Variants in CTNNA1 observed in about 807,000 individuals in gnomAD.
The protein encoded by CTNNA1 is catenin alpha-1.
CTNNA1 carries 37 observed loss-of-function variants against 98.4 expected under a neutral mutation model. The ratio of observed to expected loss-of-function variants is 0.38; its 90% CI spans 0.29 to 0.49. The LOEUF is 0.49. CTNNA1 is among the 20% of genes least tolerant of loss of function. The pLI, the probability that CTNNA1 is intolerant of heterozygous loss-of-function variation, is 0.95. For synonymous variants in CTNNA1, 404 were observed against 413.2 expected, an observed-to-expected ratio of 0.98 and a Z score of 0.27; for missense variants, 761 against 1,147.2, an observed-to-expected ratio of 0.66 and a Z score of 4.86.
At position 138,820,105 on chromosome 5, in the gene CTNNA1, G is replaced by T. The variant is rs544244436; in HGVS notation, c.589-4425G>T. 8.7e-5 allele frequency among the ~76,000 whole-genome samples: 13 copies of T among 150,246 alleles called. No individual in the cohort carries two copies. The South Asian group carries it at 2.8e-3, about 32-fold the overall frequency. On this transcript the variant is annotated intron_variant, in intron 5 of 17. Coordinates refer to ENST00000302763, the MANE Select transcript of CTNNA1 (RefSeq NM_001903.5). The stretch of plus-strand genomic sequence containing the variant: ...CCATGAGCCAATTAAACCTGTAAAG[G>T]TAGTCCTTTATAGCAGTGCAAGTAT...
At chr5:138,881,150 T>C in intron 7 of CTNNA1, 1 of 455,524 alleles carries the variant, frequency 2.2e-6, no homozygotes, top group South Asian at 1.5e-5. Context: ...AAGACTGTCC[T>C]CCTTGAGAGC....
At chr5:138,829,935 G>A (rs572006088) in intron 7 of CTNNA1, among the ~76,000 whole-genome samples, 2 of 152,164 alleles carry the variant, frequency 1.3e-5, no homozygotes, top group Admixed American at 6.5e-5. Context: ...GGGAGGCTGA[G>A]GCGGGCAGAT....
intron 16 of CTNNA1, 42 bp downstream of exon 16, chr5:138,930,977 G>GAAT: frequency 7.4e-7 from 1 of 1,353,986 alleles, no homozygotes; most frequent in South Asian, 1.2e-5. Flanking sequence ...AGCTCCTCCT[G>GAAT]GGGCTCAGGC....
chr5:138,903,010 G>A (rs1055625787), intron 9 of CTNNA1, among the ~76,000 whole-genome samples: 1 of 152,026 alleles, frequency 6.6e-6, no homozygotes, highest in African/African-American at 2.4e-5. Flanking sequence ...GAAAAGAAAT[G>A]TCTCTCTGCT....
At chr5:138,775,400 G>C in intron 1 of CTNNA1, among the ~76,000 whole-genome samples, 1 of 152,176 alleles carries the variant, frequency 6.6e-6, no homozygotes, top group South Asian at 2.1e-4. Context: ...GACGTCACAT[G>C]AATGTAGACA....
At chr5:138,895,292 A>G (rs568753761) in intron 9 of CTNNA1, among the ~76,000 whole-genome samples, 1 of 152,324 alleles carries the variant, frequency 6.6e-6, no homozygotes, top group East Asian at 1.9e-4. Context: ...GCAGAGCTCT[A>G]CATTATGACT....
intron 2 of CTNNA1, among the ~76,000 whole-genome samples, 164 bp from the exon 3 acceptor site, chr5:138,783,009 TTAAA>T (rs1239237489): frequency 6.6e-6 from 1 of 152,234 alleles, no homozygotes; most frequent in East Asian, 1.9e-4. Flanking sequence ...ATTTTGGAAA[TTAAA>T]TATAGCATCA....
chr5:138,785,135 C>T (rs1424870321), intron 3 of CTNNA1, among the ~76,000 whole-genome samples: 1 of 148,210 alleles, frequency 6.7e-6, no homozygotes, highest in Non-Finnish European at 1.5e-5. Flanking sequence ...GATCTCGGCT[C>T]ACTTCAAGCT....
At chr5:138,818,466 T>C (rs936093574) in intron 5 of CTNNA1, among the ~76,000 whole-genome samples, 1 of 152,188 alleles carries the variant, frequency 6.6e-6, no homozygotes, top group Admixed American at 6.5e-5. Context: ...GTGCATGTGG[T>C]GGGACAATCA....
intron 7 of CTNNA1, among the ~76,000 whole-genome samples, chr5:138,828,744 A>G (rs1210728453): frequency 6.6e-6 from 1 of 152,198 alleles, no homozygotes; most frequent in Non-Finnish European, 1.5e-5. Flanking sequence ...ATCATGGTGG[A>G]ATTCCTAGGG....
chr5:138,858,218 G>A (rs1227790067), intron 7 of CTNNA1, among the ~76,000 whole-genome samples: 2 of 150,510 alleles, frequency 1.3e-5, no homozygotes, highest in Non-Finnish European at 3.0e-5. Context: ...CCTTGAACTC[G>A]TGGGCTCCAG....
chr5:138,851,107 A>G (rs1008017377), intron 7 of CTNNA1, among the ~76,000 whole-genome samples: 8 of 152,206 alleles, frequency 5.3e-5, no homozygotes, highest in African/African-American at 1.9e-4. Flanking sequence ...CACCCATGAT[A>G]TATTCCTGGG....
intron 1 of CTNNA1, among the ~76,000 whole-genome samples, chr5:138,778,321 A>G (rs1754646541): frequency 6.6e-6 from 1 of 152,156 alleles, no homozygotes; most frequent in South Asian, 2.1e-4. Flanking sequence ...GACTACAGCC[A>G]GTTATTTTGT....
intron 5 of CTNNA1, among the ~76,000 whole-genome samples, chr5:138,822,461 C>A (rs1010901445): frequency 2.0e-5 from 3 of 152,128 alleles, no homozygotes; most frequent in African/African-American, 7.2e-5. Flanking sequence ...AGGAGGAATG[C>A]CAAAGCTGAT....
intron 1 of CTNNA1, among the ~76,000 whole-genome samples, chr5:138,768,338 C>T (rs189763105): frequency 2.2e-3 from 337 of 152,140 alleles, no homozygotes; most frequent in African/African-American, 6.7e-3. Context: ...CGGCTCACCT[C>T]GACCTCTGCC....
At chr5:138,921,000 G>A (rs1346806831) in intron 11 of CTNNA1, among the ~76,000 whole-genome samples, 1 of 152,174 alleles carries the variant, frequency 6.6e-6, no homozygotes, top group Non-Finnish European at 1.5e-5. Flanking sequence ...AGTCGCACTT[G>A]CATAGAAAAA....
chr5:138,768,453 G>T (rs1189850768), intron 1 of CTNNA1, among the ~76,000 whole-genome samples: 2 of 151,386 alleles, frequency 1.3e-5, no homozygotes, highest in Non-Finnish European at 2.9e-5. Flanking sequence ...TAGAGATAGG[G>T]TTTCACCATG....
chr5:138,850,017 T>C (rs927675259), intron 7 of CTNNA1, among the ~76,000 whole-genome samples: 4 of 152,058 alleles, frequency 2.6e-5, no homozygotes, highest in African/African-American at 7.3e-5. Context: ...CTCTCTCTCT[T>C]AAGATTTTTG....
chr5:138,926,916 T>A (rs1764191142), intron 13 of CTNNA1, among the ~76,000 whole-genome samples: 1 of 152,162 alleles, frequency 6.6e-6, no homozygotes, highest in Non-Finnish European at 1.5e-5. Flanking sequence ...TCTCACTTGC[T>A]CCACCCAGGC....
Sources: allele counts gnomAD v4.1 joint callset (sites outside exome capture counted in the v4.1 genomes callset), GRCh38; gene constraint gnomAD v4.1.1; transcripts MANE v1.5; gene names NCBI Gene and HGNC (gene_info 2026-07-23, HGNC 2026-07-21).